FGF9: variants seen among roughly 807,000 people sequenced by gnomAD.
The protein encoded by FGF9 is fibroblast growth factor 9, also known as fibroblast growth factor 9 (glia-activating factor).
Under a neutral mutation model 19.9 loss-of-function variants are expected in FGF9, and 3 were observed. That is an observed-to-expected ratio of 0.15 (90% CI 0.07 to 0.39). The LOEUF is 0.39. FGF9 is among the 10% of genes least tolerant of loss of function. The pLI is 1.00. For synonymous variants in FGF9, 107 were observed against 106.9 expected, an observed-to-expected ratio of 1.00 and a Z score of -0.01; for missense variants, 175 against 256.8, an observed-to-expected ratio of 0.68 and a Z score of 2.18.
At chr13:21,673,788 C>T (rs764373361) in intron 1 of FGF9, among the ~76,000 whole-genome samples, 1 of 150,978 alleles carries the variant, frequency 6.6e-6, no homozygotes, top group Non-Finnish European at 1.5e-5. Flanking sequence ...CGTGGGCGGC[C>T]GGCCTAGGTG....
intron 1 of FGF9, among the ~76,000 whole-genome samples, chr13:21,675,384 C>T (rs1871888217): frequency 6.6e-6 from 1 of 152,052 alleles, no homozygotes; most frequent in South Asian, 2.1e-4. Flanking sequence ...AGCGGTGGTG[C>T]GTGTGCCGGG....
In FGF9 at chr13:21,672,309, T is replaced by C; in HGVS notation, c.277+120T>C. On this transcript the variant is annotated intron_variant, in intron 1 of 2. Coordinates refer to ENST00000382353, the MANE Select transcript of FGF9 (RefSeq NM_002010.3). This position sits in a 1 kb window ranked among gnomAD's most constrained non-coding sequence, Gnocchi z 4.2. Reference sequence around the variant, plus strand: ...GTTCTCCCCTCCTCCCCTCTTTCTCTGTATCTCTGTCTCTCTCTCTCTCTG... The same window carrying C: ...GTTCTCCCCTCCTCCCCTCTTTCTCCGTATCTCTGTCTCTCTCTCTCTCTG... The C allele has an allele frequency of 9.1e-7, 1 of 1,103,160 alleles. No homozygotes were observed. Among genetic ancestry groups the C allele is most frequent in the Non-Finnish European group, 1.4e-6 (1 of 730,650 alleles). 68.3% of individuals were successfully genotyped at this position (1,103,160 alleles called of 1,614,324 possible).
chr13:21,677,368 A>G (rs139279015), intron 1 of FGF9, among the ~76,000 whole-genome samples: 4 of 150,934 alleles, frequency 2.7e-5, no homozygotes, highest in Admixed American at 1.3e-4. Context: ...TCTCTCCTTG[A>G]TCATTAAACA....
chr13:21,693,949 CCT>C (rs1166782482), intron 2 of FGF9, among the ~76,000 whole-genome samples: 4 of 152,172 alleles, frequency 2.6e-5, no homozygotes, highest in Admixed American at 2.6e-4. Flanking sequence ...GGTTTCTTTC[CCT>C]GTTTTCCAAC....
rs9509835 is a variant in FGF9 at position 21,691,382 on chromosome 13, A to G, written c.382-9808A>G. ...AGGATTATTCACAGAGGAGATGGAGAAAAACAGGCAGGTGTTCTCAGTAGA... is the reference window on the plus strand; with the variant it reads ...AGGATTATTCACAGAGGAGATGGAGGAAAACAGGCAGGTGTTCTCAGTAGA... On this transcript the variant is annotated intron_variant, in intron 2 of 2. Transcript: ENST00000382353. The surrounding 1 kb of genome is among the most constrained non-coding windows in gnomAD (Gnocchi z 4.2). Among the ~76,000 whole-genome samples the G allele has an allele frequency of 6.6e-6, 1 of 152,018 alleles. No homozygotes were observed. Among genetic ancestry groups the G allele is most frequent in the African/African-American group, 2.4e-5 (1 of 41,422 alleles).
At chr13:21,675,011 A>G in intron 1 of FGF9, among the ~76,000 whole-genome samples, 1 of 14,748 alleles carries the variant, frequency 6.8e-5, no homozygotes, top group Non-Finnish European at 1.3e-4. Flanking sequence ...GTTGCGGGGG[A>G]TGTGGGGGCT....
At chr13:21,687,057 G>GA (rs1400514970) in intron 2 of FGF9, among the ~76,000 whole-genome samples, 20 of 152,186 alleles carry the variant, frequency 1.3e-4, no homozygotes, top group African/African-American at 4.1e-4. Context: ...ATGTTTCCAA[G>GA]GACACAACAG....
chr13:21,691,724 C>T lies in FGF9; in HGVS notation c.382-9466C>T, dbSNP rs1270282725. On this transcript the variant is annotated intron_variant, in intron 2 of 2. Coordinates refer to ENST00000382353, the MANE Select transcript of FGF9 (RefSeq NM_002010.3). This position sits in a 1 kb window ranked among gnomAD's most constrained non-coding sequence, Gnocchi z 4.2. Reference sequence around the variant, plus strand: ...AGTGGCCTGGTCGCCTCACCCCTCCCGACTCCCCCTCACCAGGGACTGACT... The same window carrying T: ...AGTGGCCTGGTCGCCTCACCCCTCCTGACTCCCCCTCACCAGGGACTGACT... Among the ~76,000 whole-genome samples the T allele has an allele frequency of 1.3e-5, 2 of 152,232 alleles. No homozygotes were observed. Among genetic ancestry groups the T allele is most frequent in the Non-Finnish European group, 2.9e-5 (2 of 68,036 alleles).
chr13:21,685,241 G>A (rs1872132335), intron 2 of FGF9, among the ~76,000 whole-genome samples: 1 of 152,134 alleles, frequency 6.6e-6, no homozygotes, highest in Non-Finnish European at 1.5e-5. Context: ...TACGAAAGAA[G>A]GTAAATAGGA....
In FGF9 at chr13:21,673,574, A is replaced by G. The variant is rs547275559; in HGVS notation, c.277+1385A>G. Among the ~76,000 whole-genome samples the G allele has an allele frequency of 2.1e-3, 318 of 152,338 alleles. 1 individual carries two copies. The highest frequency in any genetic ancestry group is 7.3e-3 in the African/African-American group (304 of 41,582). ...TATCCCCTCCCCACCCCAGAAGTAA[A>G]GGTAGATTCTGGTTGTTGCAAAGAG... On this transcript the variant is annotated intron_variant, in intron 1 of 2. Transcript: ENST00000382353.
At chr13:21,699,777 T>A (rs1872495820) in intron 2 of FGF9, among the ~76,000 whole-genome samples, 1 of 152,218 alleles carries the variant, frequency 6.6e-6, no homozygotes, top group Non-Finnish European at 1.5e-5. Context: ...AATGTCCTTA[T>A]CTGTATTTGC....
chr13:21,673,534 C>A (rs1395964849), intron 1 of FGF9, among the ~76,000 whole-genome samples: 1 of 152,226 alleles, frequency 6.6e-6, no homozygotes, highest in African/African-American at 2.4e-5. Context: ...TGCAATTATT[C>A]AGTTGAAATA....
chr13:21,698,547 G>T (rs1222959369), intron 2 of FGF9, among the ~76,000 whole-genome samples: 1 of 152,300 alleles, frequency 6.6e-6, no homozygotes, highest in Non-Finnish European at 1.5e-5. Flanking sequence ...CTAGTGACGG[G>T]TGAAGCTGGG....
At chr13:21,684,659 A>G (rs969933248) in intron 2 of FGF9, among the ~76,000 whole-genome samples, 21 of 152,328 alleles carry the variant, frequency 1.4e-4, no homozygotes, top group African/African-American at 4.6e-4. Context: ...CTCATTCTGT[A>G]TCTGCTACGA....
chr13:21,699,271 G>A (rs1247428098), intron 2 of FGF9, among the ~76,000 whole-genome samples: 2 of 152,200 alleles, frequency 1.3e-5, no homozygotes, highest in African/African-American at 4.8e-5. Flanking sequence ...TGGTTTCTGC[G>A]ATTCATTCTG....
rs1402260854 is a variant in FGF9, at chr13:21,671,709, A to G, written c.-204A>G. 4.8e-6 allele frequency: 3 copies of G among 627,044 alleles called. No homozygotes were observed. The highest frequency in any genetic ancestry group is 2.8e-5 in the Admixed American group (1 of 36,300). The allele number at this position is 627,044 out of a possible 1,614,324, so 38.8% of individuals were successfully genotyped here. A position where few individuals can be genotyped will look rare whatever the true frequency, so the allele number is the denominator to read the frequency against. On this transcript the variant is annotated 5_prime_UTR_variant, in exon 1 of 3. Transcript: ENST00000382353. ...TAAAGTGGTGGTTTCTTAGACTATC[A>G]GTGGTTTGACCTTGAACCTGTGCCA... is the stretch of plus-strand genomic sequence containing the variant.
chr13:21,701,513 G>A lies in FGF9; in HGVS notation c.*78G>A, dbSNP rs553610200. Reference sequence around the variant, plus strand: ...TCACGCGGTGGGTTCTTATTGATTCGCTGTGTCATCACATCAGCTCCACTG... The same window carrying A: ...TCACGCGGTGGGTTCTTATTGATTCACTGTGTCATCACATCAGCTCCACTG... On this transcript the variant is annotated 3_prime_UTR_variant, in exon 3 of 3. Coordinates refer to ENST00000382353, the MANE Select transcript of FGF9 (RefSeq NM_002010.3). 3.1e-5 allele frequency: 50 copies of A among 1,600,602 alleles called. No homozygotes were observed. In the East Asian group the frequency reaches 6.3e-4, roughly 20 times the overall value.
intron 2 of FGF9, among the ~76,000 whole-genome samples, chr13:21,688,473 A>C (rs945425066): frequency 2.6e-5 from 4 of 152,212 alleles, no homozygotes; most frequent in Admixed American, 2.6e-4. Context: ...CTTCTGCTGT[A>C]TGACTGAGTC....
At chr13:21,686,726 A>C (rs1477699098) in intron 2 of FGF9, among the ~76,000 whole-genome samples, 1 of 152,238 alleles carries the variant, frequency 6.6e-6, no homozygotes, top group Admixed American at 6.5e-5. Flanking sequence ...TGCAGTTGGC[A>C]CATGGTAAAT....
Sources: gnomAD v4.1 joint callset for allele counts (sites outside exome capture counted in the v4.1 genomes callset) on GRCh38, gnomAD v4.1.1 for gene constraint, Gnocchi (gnomAD v3.1) non-coding constraint, MANE v1.5 for transcripts, NCBI Gene and HGNC (gene_info 2026-07-23, HGNC 2026-07-21) for gene names.